Variants in CEP135 observed in about 807,000 individuals in gnomAD.
CEP135 encodes the protein centrosomal protein 135.
Under a neutral mutation model 157.3 loss-of-function variants are expected in CEP135, and 142 were observed. The observed-to-expected ratio is 0.90, with a 90% CI of 0.79 to 1.04. CEP135 has a LOEUF of 1.04. CEP135 is among the 50% of genes least tolerant of loss of function. The pLI, the probability that CEP135 is intolerant of heterozygous loss-of-function variation, is 0.00. For synonymous variants in CEP135, 396 were observed against 439.8 expected (o/e 0.90, Z 1.25); for missense variants, 1,317 against 1,309.2 (o/e 1.01, Z -0.09).
At chr4:55,978,324 C>T (rs1039463151) in intron 11 of CEP135, among the ~76,000 whole-genome samples, 1 of 152,116 alleles carries the variant, frequency 6.6e-6, no homozygotes, top group African/African-American at 2.4e-5. Context: ...TGTACATAAC[C>T]TTATAACCTC....
chr4:55,956,390 C>A (rs1029355291), intron 4 of CEP135, among the ~76,000 whole-genome samples: 1 of 152,124 alleles, frequency 6.6e-6, no homozygotes, highest in Admixed American at 6.5e-5. Context: ...AAAATTTAGT[C>A]CTACTACTTG....
At chr4:55,949,709 A>AC (rs1277703291) in intron 1 of CEP135, among the ~76,000 whole-genome samples, 1 of 152,130 alleles carries the variant, frequency 6.6e-6, no homozygotes, top group African/African-American at 2.4e-5. Context: ...TGTATGGGGG[A>AC]CCCCCAAACC....
intron 14 of CEP135, among the ~76,000 whole-genome samples, chr4:55,989,814 G>A (rs1054033544): frequency 1.3e-5 from 2 of 152,192 alleles, no homozygotes. Context: ...TAGCAAATAT[G>A]TGTAGCTCCT....
At chr4:55,960,516 C>A (rs1728644058) in intron 6 of CEP135, 1 of 152,128 alleles carries the variant, frequency 6.6e-6, no homozygotes, top group Non-Finnish European at 1.5e-5. Context: ...TTTTCATTTT[C>A]TGCATTGACT....
intron 11 of CEP135, 58 bp from the exon 12 acceptor site, chr4:55,980,085 G>C: frequency 7.4e-7 from 1 of 1,360,432 alleles, no homozygotes; most frequent in Non-Finnish European, 1.0e-6. Flanking sequence ...CTCATCATCA[G>C]TATCCTTGTG....
rs757992947 is a variant in CEP135 at position 55,953,162 on chromosome 4, T to A, written c.191T>A (p.Phe64Tyr). 1.9e-6 allele frequency: 3 copies of A among 1,608,736 alleles called. No individual in the cohort carries two copies. Among genetic ancestry groups the A allele is most frequent in the Admixed American group, 3.4e-5 (2 of 58,876 alleles). The change falls in exon 3 of 26, where the codon TTT (phenylalanine) becomes TAT (tyrosine). Residue 64 changes from phenylalanine (F) to tyrosine (Y), a missense_variant. Transcript: ENST00000257287. The stretch of plus-strand genomic sequence containing the variant: ...AAAGCTGAAAAAGAAAGTGCCAATT[T>A]TGATTTTGTTTTGGAACCCTATAAA... Reference protein sequence around the residue: ...AVKAEKESANFDFVLEPYKLE... With the variant: ...AVKAEKESANYDFVLEPYKLE...
At position 55,965,869 on chromosome 4, in the gene CEP135, G is replaced by T. The variant is rs942998941; in HGVS notation, c.1044+10G>T. 2 of 1,592,516 alleles carry T rather than the reference G, an allele frequency of 1.3e-6. No homozygotes were observed. The highest frequency in any genetic ancestry group is 1.7e-6 in the Non-Finnish European group (2 of 1,162,186). ...GCTTGGGGAAGCAAAGGTAATGAAT[G>T]ATATGTGTAGATTGTGAGAGTGTTC... On this transcript the variant is annotated intron_variant, in intron 8 of 25. Transcript: ENST00000257287.
At chr4:56,014,926 G>A (rs1366244351) in intron 21 of CEP135, among the ~76,000 whole-genome samples, 1 of 152,112 alleles carries the variant, frequency 6.6e-6, no homozygotes, top group Non-Finnish European at 1.5e-5. Flanking sequence ...CAAACATGGT[G>A]GCACGTGGCT....
chr4:55,984,846 T>C (rs1363538579), intron 13 of CEP135, among the ~76,000 whole-genome samples: 1 of 152,230 alleles, frequency 6.6e-6, no homozygotes, highest in Non-Finnish European at 1.5e-5. Flanking sequence ...TCGCATCTCT[T>C]GCATGGCCTT....
At chr4:56,020,861 C>G in intron 24 of CEP135, 81 bp downstream of exon 24, 1 of 1,019,398 alleles carries the variant, frequency 9.8e-7, no homozygotes, top group East Asian at 2.5e-5. Flanking sequence ...TATGGCTTTA[C>G]AAATAACAAA....
chr4:56,020,914 TCTTC>T (rs1730953849), intron 24 of CEP135, 134 bp downstream of exon 24: 1 of 605,254 alleles, frequency 1.7e-6, no homozygotes. Context: ...CTTTGGTAAT[TCTTC>T]CTTTTAAAAA....
At chr4:55,959,982 G>C (rs1728629556) in intron 6 of CEP135, 10 of 601,402 alleles carry the variant, frequency 1.7e-5, no homozygotes, top group Non-Finnish European at 2.9e-5. Flanking sequence ...GCCAAGTGTG[G>C]TGGCATGTGC....
chr4:55,949,930 AGGTATTATCTCTGG>A (rs1217578782), intron 1 of CEP135, among the ~76,000 whole-genome samples: 9 of 152,134 alleles, frequency 5.9e-5, no homozygotes, highest in African/African-American at 1.4e-4. Flanking sequence ...GGATGTGAGG[AGGTATTATCTCTGG>A]GTAACTGGAG....
chr4:55,983,179 C>A (rs986175075), intron 13 of CEP135, among the ~76,000 whole-genome samples: 2 of 152,310 alleles, frequency 1.3e-5, no homozygotes, highest in East Asian at 1.9e-4. Flanking sequence ...TGGGAAACTT[C>A]TGTGCAGTAT....
intron 14 of CEP135, among the ~76,000 whole-genome samples, chr4:55,986,055 G>A (rs2109692410): frequency 6.6e-6 from 1 of 152,288 alleles, no homozygotes. Flanking sequence ...TTACCTGCAG[G>A]CAAGTTGCTT....
chr4:56,000,768 A>G (rs1198923849), intron 17 of CEP135, among the ~76,000 whole-genome samples: 1 of 152,178 alleles, frequency 6.6e-6, no homozygotes, highest in African/African-American at 2.4e-5. Flanking sequence ...TATTTACTCA[A>G]TAGTGGAATT....
chr4:56,020,574 G>C lies in CEP135; in HGVS notation c.3216-102G>C, dbSNP rs563781374. The stretch of plus-strand genomic sequence containing the variant: ...AGCTCTAGAAGTTTAGAGAATTCTT[G>C]TTGAAAGGTCTTGATCTTCTCTTTA... On this transcript the variant is annotated intron_variant, in intron 23 of 25. Transcript: ENST00000257287. 81 of 833,884 alleles carry C rather than the reference G, an allele frequency of 9.7e-5. 2 individuals are homozygous for C. In the South Asian group the frequency reaches 1.2e-3, roughly 12 times the overall value. 51.7% of individuals were successfully genotyped at this position (833,884 alleles called of 1,614,324 possible).
chr4:55,997,148 T>C (rs1007426520), intron 15 of CEP135, among the ~76,000 whole-genome samples: 15 of 152,358 alleles, frequency 9.8e-5, no homozygotes, highest in African/African-American at 3.4e-4. Context: ...CAACTAATAA[T>C]GGCAGTCACT....
Position 56,019,566 on chromosome 4 carries a change from T to G in CEP135, c.3215+11T>G. The G allele has an allele frequency of 6.3e-7, 1 of 1,588,826 alleles. No individual in the cohort carries two copies. Among genetic ancestry groups the G allele is most frequent in the Non-Finnish European group, 8.6e-7 (1 of 1,166,994 alleles). On this transcript the variant is annotated intron_variant, in intron 23 of 25. Transcript: ENST00000257287. ...TTCTGAAAGCAAATTGTAAGTGTCTTAAGTCAACTTATGCAAAGACAATTG... is the reference window on the plus strand; with the variant it reads ...TTCTGAAAGCAAATTGTAAGTGTCTGAAGTCAACTTATGCAAAGACAATTG...
Sources: allele counts gnomAD v4.1 joint callset (sites outside exome capture counted in the v4.1 genomes callset), GRCh38; gene constraint gnomAD v4.1.1; transcripts MANE v1.5; gene names NCBI Gene and HGNC (gene_info 2026-07-23, HGNC 2026-07-21).